SORCS3: variants seen among roughly 807,000 people sequenced by gnomAD.
SORCS3 encodes the protein VPS10 domain-containing receptor SorCS3.
SORCS3 carries 57 observed loss-of-function variants against 146.3 expected under a neutral mutation model. The observed-to-expected ratio is 0.39, with a 90% CI of 0.31 to 0.49. The LOEUF (loss-of-function observed/expected upper bound fraction) is 0.49, where lower values mean the gene tolerates loss of function less well. Among genes scored for constraint, SORCS3 ranks in the 20% least tolerant of loss-of-function variants. The pLI is 0.92. For missense variants in SORCS3, 1,341 were observed against 1,575.5 expected (o/e 0.85, Z 2.52); for synonymous variants, 653 against 618.5 (o/e 1.06, Z -0.83).
intron 2 of SORCS3, among the ~76,000 whole-genome samples, chr10:104,908,807 G>A (rs1564710948): frequency 6.6e-6 from 1 of 152,204 alleles, no homozygotes. Flanking sequence ...GATCTTTGTA[G>A]TACAATGAGT....
At chr10:105,252,937 T>A (rs1479941738) in intron 23 of SORCS3, 31 bp downstream of exon 23, 8 of 1,611,232 alleles carry the variant, frequency 5.0e-6, no homozygotes, top group Non-Finnish European at 6.8e-6. Context: ...CTGGGACCCT[T>A]GCCTGCACCC....
At chr10:105,139,721 A>G (rs1215012837) in intron 8 of SORCS3, among the ~76,000 whole-genome samples, 2 of 152,118 alleles carry the variant, frequency 1.3e-5, no homozygotes, top group African/African-American at 2.4e-5. Context: ...AAGGTCTGGT[A>G]TAACCTTGGG....
chr10:105,081,761 G>T (rs895844737), intron 5 of SORCS3, among the ~76,000 whole-genome samples: 1 of 151,950 alleles, frequency 6.6e-6, no homozygotes, highest in African/African-American at 2.4e-5. Flanking sequence ...ATCCTTTCTT[G>T]GTCTTTGGTC....
At chr10:104,785,325 G>C (rs1418058175) in intron 1 of SORCS3, among the ~76,000 whole-genome samples, 1 of 143,908 alleles carries the variant, frequency 6.9e-6, no homozygotes, top group Non-Finnish European at 1.5e-5. Flanking sequence ...GTCCACTCAG[G>C]GTTAAATGGA....
chr10:104,643,712 GTGT>G lies in SORCS3; in HGVS notation c.627+1759_627+1761del, dbSNP rs1564649672. Among the ~76,000 whole-genome samples, 120 of 124,988 alleles carry G rather than the reference GTGT, an allele frequency of 9.6e-4. 2 individuals carry two copies. Among genetic ancestry groups the G allele is most frequent in the East Asian group, 2.2e-3 (11 of 4,910 alleles). 82.0% of individuals were successfully genotyped at this position (124,988 alleles called of 152,430 possible). On this transcript the variant is annotated intron_variant, in intron 1 of 26. Coordinates refer to ENST00000369701, the MANE Select transcript of SORCS3 (RefSeq NM_014978.3). Reference sequence around the variant, plus strand: ...TTCATTTTAGTTTGATAATTAGGGTGTGTGTGTGTGTGTGTGTGTGTGTGTGTG... The same window carrying G: ...TTCATTTTAGTTTGATAATTAGGGTGGTGTGTGTGTGTGTGTGTGTGTGTG...
rs541634964 is a variant in SORCS3 at position 105,020,041 on chromosome 10, C to A, written c.955-23014C>A. Among the ~76,000 whole-genome samples, 9 of 152,226 alleles carry A rather than the reference C, an allele frequency of 5.9e-5. No individual in the cohort carries two copies. In the East Asian group the frequency reaches 1.7e-3, roughly 29 times the overall value. On this transcript the variant is annotated intron_variant, in intron 4 of 26. Transcript: ENST00000369701. ...AGCTACTTACAATTGAATTTTAAGGCCTTAGAGCTCCAATGCTTTATGGCT... is the reference window on the plus strand; with the variant it reads ...AGCTACTTACAATTGAATTTTAAGGACTTAGAGCTCCAATGCTTTATGGCT...
chr10:105,214,353 C>T (rs1032156201), intron 17 of SORCS3, 89 bp from the exon 18 acceptor site: 4 of 1,436,448 alleles, frequency 2.8e-6, no homozygotes, highest in Non-Finnish European at 3.9e-6. Context: ...TGCTCTCTTA[C>T]ATTCCCTTTA....
intron 3 of SORCS3, among the ~76,000 whole-genome samples, chr10:104,920,014 T>A (rs1268289864): frequency 6.6e-6 from 1 of 152,230 alleles, no homozygotes. Context: ...TAAGTTTCCT[T>A]CTTTACGTCT....
rs146072604 is a variant in SORCS3, at chr10:105,038,742, G to A, written c.955-4313G>A. 4.6e-3 allele frequency among the ~76,000 whole-genome samples: 705 copies of A among 152,054 alleles called. 7 individuals are homozygous for A. Among genetic ancestry groups the A allele is most frequent in the African/African-American group, 0.014 (595 of 41,468 alleles). On this transcript the variant is annotated intron_variant, in intron 4 of 26. Transcript: ENST00000369701. ...CAAGTTTTTGTAATACTTTAACATC[G>A]ATATCAATAAATGCATGTTTTATAA...
At chr10:104,904,768 G>A (rs1195806186) in intron 2 of SORCS3, among the ~76,000 whole-genome samples, 2 of 145,098 alleles carry the variant, frequency 1.4e-5, no homozygotes, top group Non-Finnish European at 1.5e-5. Context: ...TCTATATGAT[G>A]TGGCTATCTT....
At chr10:104,744,716 A>G (rs1564673647) in intron 1 of SORCS3, among the ~76,000 whole-genome samples, 1 of 152,150 alleles carries the variant, frequency 6.6e-6, no homozygotes, top group African/African-American at 2.4e-5. Flanking sequence ...CCGCCTCCAT[A>G]CCCAGAATGT....
chr10:104,904,034 G>C (rs540754828), intron 2 of SORCS3, among the ~76,000 whole-genome samples: 6 of 152,226 alleles, frequency 3.9e-5, no homozygotes, highest in African/African-American at 1.2e-4. Flanking sequence ...ATTTTTCTCA[G>C]ATGTAATTTC....
intron 4 of SORCS3, among the ~76,000 whole-genome samples, chr10:104,996,548 G>T (rs1157381912): frequency 2.0e-5 from 3 of 151,376 alleles, no homozygotes; most frequent in Non-Finnish European, 4.4e-5. Flanking sequence ...TAAAAGAATT[G>T]AACAATTCAA....
At chr10:104,812,965 C>T (rs1352651836) in intron 1 of SORCS3, among the ~76,000 whole-genome samples, 3 of 152,190 alleles carry the variant, frequency 2.0e-5, no homozygotes, top group African/African-American at 4.8e-5. Context: ...TGTGGCACTG[C>T]AATTTGCCCC....
At chr10:105,219,564 A>G (rs1444517412) in intron 19 of SORCS3, among the ~76,000 whole-genome samples, 3 of 152,212 alleles carry the variant, frequency 2.0e-5, no homozygotes, top group Admixed American at 6.5e-5. Flanking sequence ...CCTGGGGCCA[A>G]CTTACATGCA....
rs184440851 is a variant in SORCS3 at position 105,042,389 on chromosome 10, G to A, written c.955-666G>A. On this transcript the variant is annotated intron_variant, in intron 4 of 26. Coordinates refer to ENST00000369701, the MANE Select transcript of SORCS3 (RefSeq NM_014978.3). The stretch of plus-strand genomic sequence containing the variant: ...ACATGGTAGAATTATTATTATTATC[G>A]TTATTATTATTATTCCATTGGCAGT... Among the ~76,000 whole-genome samples, 1,151 of 152,142 alleles carry A rather than the reference G, an allele frequency of 7.6e-3. 19 individuals carry two copies. Among genetic ancestry groups the A allele is most frequent in the Non-Finnish European group, 9.2e-3 (624 of 67,996 alleles).
chr10:105,153,957 C>G (rs923248078), intron 9 of SORCS3, among the ~76,000 whole-genome samples: 1 of 150,852 alleles, frequency 6.6e-6, no homozygotes, highest in Non-Finnish European at 1.5e-5. Flanking sequence ...ATAATCCCAG[C>G]CACTCAGGAG....
At chr10:105,080,007 C>T (rs866819351) in intron 5 of SORCS3, among the ~76,000 whole-genome samples, 1 of 152,104 alleles carries the variant, frequency 6.6e-6, no homozygotes, top group Non-Finnish European at 1.5e-5. Context: ...GTGAATAGTG[C>T]TGCAATGAAC....
Position 104,704,651 on chromosome 10 carries a change from A to G in SORCS3, c.627+62697A>G, listed in dbSNP as rs75150394. The stretch of plus-strand genomic sequence containing the variant: ...CAGAATGAATGTGAAAAGGTTTTGT[A>G]AAGTGTAATGGACCAATTTTTCCCT... On this transcript the variant is annotated intron_variant, in intron 1 of 26. Coordinates refer to ENST00000369701, the MANE Select transcript of SORCS3 (RefSeq NM_014978.3). 5.5e-3 allele frequency among the ~76,000 whole-genome samples: 835 copies of G among 152,290 alleles called. 7 individuals carry two copies. Among genetic ancestry groups the G allele is most frequent in the African/African-American group, 0.019 (784 of 41,554 alleles).
Sources: allele counts gnomAD v4.1 joint callset (sites outside exome capture counted in the v4.1 genomes callset), GRCh38; gene constraint gnomAD v4.1.1; transcripts MANE v1.5; gene names NCBI Gene and HGNC (gene_info 2026-07-23, HGNC 2026-07-21).